The following RAB44 variants were observed in gnomAD, a reference collection of about 807,000 sequenced individuals.
The protein encoded by RAB44 is ras-related protein Rab-44.
Under a neutral mutation model 93.3 loss-of-function variants are expected in RAB44, and 67 were observed. The ratio of observed to expected loss-of-function variants is 0.72; its 90% CI spans 0.59 to 0.88. RAB44 has a LOEUF of 0.88. Ranked by LOEUF, RAB44 falls within the 40% of genes least tolerant of loss-of-function variation. The probability of loss-of-function intolerance (pLI) is 0.00; values close to 1 mark genes in which losing one functional copy is unlikely to be tolerated. For synonymous variants in RAB44, 427 were observed against 520.3 expected (o/e 0.82, Z 2.44); for missense variants, 1,064 against 1,261.7 (o/e 0.84, Z 2.37).
chr6:36,728,355 A>C (rs908066627), intron 11 of RAB44, among the ~76,000 whole-genome samples: 1 of 152,214 alleles, frequency 6.6e-6, no homozygotes, highest in Admixed American at 6.5e-5. Flanking sequence ...GTGTATAGCA[A>C]TCACTCACTA....
rs778501027 is a variant in RAB44 at position 36,711,770 on chromosome 6, G to A, written c.208-2058G>A. On this transcript the variant is annotated intron_variant, in intron 2 of 13. Coordinates refer to ENST00000612677, the MANE Select transcript of RAB44 (RefSeq NM_001257357.2). ...AGTTAAAGACCTTTCGGGCGTGGTG[G>A]TACATTCCTGTAATCCCAGCTACTC... Among the ~76,000 whole-genome samples, 5 of 152,224 alleles carry A rather than the reference G, an allele frequency of 3.3e-5. No homozygotes were observed. The South Asian group carries it at 1.0e-3, about 32-fold the overall frequency.
rs949052864 is a variant in RAB44 at position 36,732,246 on chromosome 6, C to T, written c.*153C>T. On this transcript the variant is annotated 3_prime_UTR_variant, in exon 14 of 14. Coordinates refer to ENST00000612677, the MANE Select transcript of RAB44 (RefSeq NM_001257357.2). Reference sequence around the variant, plus strand: ...CAGGACTCGGATCCCAGAGCAGGGCCGCATCACCTCTGCCTTTCACACTCC... The same window carrying T: ...CAGGACTCGGATCCCAGAGCAGGGCTGCATCACCTCTGCCTTTCACACTCC... 9.7e-6 allele frequency: 4 copies of T among 412,116 alleles called. No homozygotes were observed. Among genetic ancestry groups the T allele is most frequent in the African/African-American group, 2.1e-5 (1 of 48,744 alleles). 25.5% of individuals were successfully genotyped at this position (412,116 alleles called of 1,614,324 possible).
chr6:36,707,840 C>T (rs1762686205), intron 2 of RAB44, among the ~76,000 whole-genome samples: 1 of 152,202 alleles, frequency 6.6e-6, no homozygotes, highest in South Asian at 2.1e-4. Context: ...ATGTATTACA[C>T]TACCTAATAA....
At chr6:36,723,001 C>CA (rs1463500351) in intron 9 of RAB44, among the ~76,000 whole-genome samples, 1 of 152,244 alleles carries the variant, frequency 6.6e-6, no homozygotes, top group Non-Finnish European at 1.5e-5. Context: ...TAGGTGCCTG[C>CA]GAGAGTTGAT....
intron 4 of RAB44, among the ~76,000 whole-genome samples, chr6:36,716,821 A>G (rs975077298): frequency 1.3e-5 from 2 of 152,202 alleles, no homozygotes; most frequent in Admixed American, 1.3e-4. Context: ...ATTGGGCACC[A>G]ACCGTGTGGC....
At chr6:36,730,591 C>G in intron 12 of RAB44, 82 bp from the exon 13 acceptor site, 1 of 874,226 alleles carries the variant, frequency 1.1e-6, no homozygotes, top group Non-Finnish European at 1.5e-6. Flanking sequence ...CTCTGATGGC[C>G]GGGACTTTAG....
chr6:36,714,159 G>T (rs1762858316), intron 3 of RAB44, among the ~76,000 whole-genome samples: 1 of 152,244 alleles, frequency 6.6e-6, no homozygotes, highest in African/African-American at 2.4e-5. Flanking sequence ...CTTCTCCCCA[G>T]TAAAAGGCTT....
At chr6:36,725,428 G>A (rs780297603) in intron 9 of RAB44, among the ~76,000 whole-genome samples, 5 of 152,240 alleles carry the variant, frequency 3.3e-5, no homozygotes, top group African/African-American at 4.8e-5. Flanking sequence ...GCTCACAGAG[G>A]TGAAGTGACT....
intron 2 of RAB44, among the ~76,000 whole-genome samples, chr6:36,712,661 G>C: frequency 6.6e-6 from 1 of 152,146 alleles, no homozygotes; most frequent in East Asian, 1.9e-4. Flanking sequence ...CACTGCACCC[G>C]GCCTGGAATT....
In RAB44 at chr6:36,732,168, A is replaced by G; in HGVS notation, c.*75A>G. 2.1e-6 allele frequency: 2 copies of G among 952,520 alleles called. No individual in the cohort carries two copies. Among genetic ancestry groups the G allele is most frequent in the Non-Finnish European group, 2.7e-6 (2 of 731,658 alleles). The allele number at this position is 952,520 out of a possible 1,614,324, so 59.0% of individuals were successfully genotyped here. ...CTCAGCTCCTGTCCTTTGTTCCTGG[A>G]CAGCAACGACACAGAGGACCAGCTT... On this transcript the variant is annotated 3_prime_UTR_variant, in exon 14 of 14. Coordinates refer to ENST00000612677, the MANE Select transcript of RAB44 (RefSeq NM_001257357.2).
At chr6:36,700,962 T>C (rs1435219805) in intron 1 of RAB44, among the ~76,000 whole-genome samples, 2 of 152,224 alleles carry the variant, frequency 1.3e-5, no homozygotes, top group Non-Finnish European at 2.9e-5. Context: ...GGTATCTATG[T>C]GGTCACTGTT....
chr6:36,730,845 A>G (rs1447851563), intron 13 of RAB44, 96 bp downstream of exon 13: 3 of 558,444 alleles, frequency 5.4e-6, no homozygotes, highest in African/African-American at 4.1e-5. Flanking sequence ...GTGGGACAGG[A>G]AGGCCCATTC....
chr6:36,732,330 C>A lies in RAB44; in HGVS notation c.*237C>A. ...GGGGCAGGGGTATGGCAAAACTCTCCAAACAAAGAAAGTCTAGAAAAACGA... is the reference window on the plus strand; with the variant it reads ...GGGGCAGGGGTATGGCAAAACTCTCAAAACAAAGAAAGTCTAGAAAAACGA... On this transcript the variant is annotated 3_prime_UTR_variant, in exon 14 of 14. Transcript: ENST00000612677. The A allele has an allele frequency of 4.3e-5, 13 of 299,288 alleles. No individual in the cohort carries two copies. Among genetic ancestry groups the A allele is most frequent in the Non-Finnish European group, 7.3e-5 (12 of 163,352 alleles). 18.5% of individuals were successfully genotyped at this position (299,288 alleles called of 1,614,324 possible).
chr6:36,724,797 G>A (rs947405710), intron 9 of RAB44, among the ~76,000 whole-genome samples: 2 of 152,006 alleles, frequency 1.3e-5, no homozygotes, highest in Admixed American at 6.6e-5. Context: ...GCTGCCCCCC[G>A]GTGGCTATCG....
At chr6:36,703,662 G>T (rs75283559) in intron 1 of RAB44, among the ~76,000 whole-genome samples, 15,122 of 152,058 alleles carry the variant, frequency 0.099, 901 homozygotes, top group South Asian at 0.19. Context: ...TCCATGCTGC[G>T]TGTGTCGAAG....
chr6:36,720,110 C>A (rs1043949739), intron 7 of RAB44, among the ~76,000 whole-genome samples: 10 of 152,216 alleles, frequency 6.6e-5, no homozygotes, highest in African/African-American at 2.2e-4. Context: ...GCCTTTGTGG[C>A]GCTGGTGGTT....
rs564494450 is a variant in RAB44, at chr6:36,718,566, G to A, written c.806G>A (p.Arg269Gln). ...GAGGCCAAGGAGCGCGAGGTGCAGC[G>A]ACTAGCTGAGGGCCAGAGGGAGGTG... ...VLEAKEREVQ[R>Q]LAEGQRELEA... The change falls in exon 7 of 14, where the codon CGA becomes CAA. Residue 269 changes from arginine to glutamine, a missense_variant. Physicochemically the swap from Arg to Gln is conservative, Grantham distance 43. Transcript: ENST00000612677. 4.1e-6 allele frequency: 5 copies of A among 1,234,170 alleles called. No individual in the cohort carries two copies. The highest frequency in any genetic ancestry group is 4.1e-5 in the South Asian group (1 of 24,388). The allele number at this position is 1,234,170 out of a possible 1,614,324, so 76.5% of individuals were successfully genotyped here.
chr6:36,701,460 G>T lies in RAB44; in HGVS notation c.-12-2764G>T, dbSNP rs563024370. On this transcript the variant is annotated intron_variant, in intron 1 of 13. Transcript: ENST00000612677. ...TCTGTTAGAACATTCCACATTCTAG[G>T]GGACCATGAATCAGCAGAGGAAGTG... Among the ~76,000 whole-genome samples, 23 of 152,180 alleles carry T rather than the reference G, an allele frequency of 1.5e-4. 1 individual carries two copies. In the East Asian group the frequency reaches 1.5e-3, roughly 10 times the overall value.
In RAB44 at chr6:36,717,672, C is replaced by T. The variant is rs570851934; in HGVS notation, c.641+253C>T. On this transcript the variant is annotated intron_variant, in intron 5 of 13. Coordinates refer to ENST00000612677, the MANE Select transcript of RAB44 (RefSeq NM_001257357.2). This position sits in a 1 kb window ranked among gnomAD's most constrained non-coding sequence, Gnocchi z 4.1. Reference sequence around the variant, plus strand: ...CGCCCAACTCCAGGGGGCCTGCTCCCGTAGACTGTAATGCATGTGGTGACC... The same window carrying T: ...CGCCCAACTCCAGGGGGCCTGCTCCTGTAGACTGTAATGCATGTGGTGACC... 2.0e-5 allele frequency among the ~76,000 whole-genome samples: 3 copies of T among 151,330 alleles called. No homozygotes were observed. Among genetic ancestry groups the T allele is most frequent in the Middle Eastern group, 3.4e-3 (1 of 294 alleles).
Sources: gnomAD v4.1 joint callset for allele counts (sites outside exome capture counted in the v4.1 genomes callset) on GRCh38, gnomAD v4.1.1 for gene constraint, Gnocchi (gnomAD v3.1) non-coding constraint, MANE v1.5 for transcripts, NCBI Gene and HGNC (gene_info 2026-07-23, HGNC 2026-07-21) for gene names.